RBFOX1: variants seen among roughly 807,000 people sequenced by gnomAD.
RBFOX1 encodes RNA binding fox-1 homolog 1.
In RBFOX1, 8 loss-of-function variants were observed where a neutral mutation model predicts 57.7. The ratio of observed to expected loss-of-function variants is 0.14; its 90% CI spans 0.08 to 0.25. The LOEUF is 0.25. RBFOX1 is among the 10% of genes least tolerant of loss of function. The pLI, the probability that RBFOX1 is intolerant of heterozygous loss-of-function variation, is 1.00. For missense variants in RBFOX1, 611 were observed against 548.5 expected (o/e 1.11, Z -1.14); for synonymous variants, 326 against 222.4 (o/e 1.47, Z -4.15).
chr16:6,189,343 A>G (rs570742496), intron 1 of RBFOX1, among the ~76,000 whole-genome samples: 1 of 152,334 alleles, frequency 6.6e-6, no homozygotes, highest in East Asian at 1.9e-4. Context: ...AGTGCATTCA[A>G]GAGTCTAGTG....
chr16:7,259,166 C>T (rs963793739), intron 4 of RBFOX1, among the ~76,000 whole-genome samples: 1 of 152,190 alleles, frequency 6.6e-6, no homozygotes, highest in Non-Finnish European at 1.5e-5. Context: ...CACCACATGA[C>T]CTCTCCTCCA....
chr16:5,418,877 A>G (rs150829489), intron 1 of RBFOX1, among the ~76,000 whole-genome samples: 11 of 152,282 alleles, frequency 7.2e-5, no homozygotes, highest in South Asian at 2.1e-4. Flanking sequence ...GAGATACCCA[A>G]ACTGAGAATT....
intron 3 of RBFOX1, among the ~76,000 whole-genome samples, chr16:5,743,366 A>G (rs574917410): frequency 2.0e-5 from 3 of 152,298 alleles, no homozygotes; most frequent in East Asian, 1.9e-4. Context: ...AGAATCAGAC[A>G]TATCAGAGTT....
chr16:5,371,747 G>A (rs910853908), intron 1 of RBFOX1, among the ~76,000 whole-genome samples: 18 of 152,184 alleles, frequency 1.2e-4, no homozygotes, highest in Non-Finnish European at 1.2e-4. Flanking sequence ...CGGCATTTCC[G>A]GAGATGGTCC....
chr16:5,597,526 A>T (rs2047226526), intron 2 of RBFOX1, among the ~76,000 whole-genome samples: 2 of 151,160 alleles, frequency 1.3e-5, no homozygotes, highest in African/African-American at 4.9e-5. Context: ...TAGCCTCCCA[A>T]GTAGCTGAGA....
intron 1 of RBFOX1, among the ~76,000 whole-genome samples, chr16:6,149,050 GA>G (rs2152719723): frequency 6.6e-6 from 1 of 152,280 alleles, no homozygotes; most frequent in Non-Finnish European, 1.5e-5. Context: ...TGGAGCCTTG[GA>G]ATTTTAAATC....
At chr16:6,685,442 A>ATTT (rs71145275) in intron 3 of RBFOX1, among the ~76,000 whole-genome samples, 52,031 of 125,012 alleles carry the variant, frequency 0.42, 13,120 homozygotes, top group Non-Finnish European at 0.54. Context: ...TACCCAGCTA[A>ATTT]TTTTTTTTTT....
chr16:6,244,374 G>A (rs2097557405), intron 1 of RBFOX1, among the ~76,000 whole-genome samples: 1 of 152,064 alleles, frequency 6.6e-6, no homozygotes, highest in Non-Finnish European at 1.5e-5. Flanking sequence ...TTTGTTCCAG[G>A]GAGATCAGAG....
Position 6,785,235 on chromosome 16 carries a change from G to T in RBFOX1, c.-16+130585G>T, listed in dbSNP as rs144966865. 5.0e-3 allele frequency among the ~76,000 whole-genome samples: 760 copies of T among 152,192 alleles called. 9 individuals carry two copies. The highest frequency in any genetic ancestry group is 0.017 in the African/African-American group (722 of 41,516). On this transcript the variant is annotated intron_variant, in intron 3 of 15. Coordinates refer to ENST00000550418, the MANE Select transcript of RBFOX1 (RefSeq NM_018723.4). ...AGAATTTGAGGGAATCTCCCAGTCC[G>T]TTCGTAACTAACATAAGAGTTTATG... is the stretch of plus-strand genomic sequence containing the variant.
At chr16:6,474,583 G>T (rs759657081) in intron 2 of RBFOX1, among the ~76,000 whole-genome samples, 1 of 152,126 alleles carries the variant, frequency 6.6e-6, no homozygotes, top group Non-Finnish European at 1.5e-5. Flanking sequence ...TCTATGTCTG[G>T]GCTGTTCTAT....
intron 3 of RBFOX1, among the ~76,000 whole-genome samples, chr16:6,702,123 G>A (rs2061947523): frequency 6.6e-6 from 1 of 152,136 alleles, no homozygotes; most frequent in Non-Finnish European, 1.5e-5. Flanking sequence ...AGACCTCGTG[G>A]TAAATCACTC....
intron 3 of RBFOX1, among the ~76,000 whole-genome samples, chr16:6,687,042 G>A (rs913564143): frequency 2.0e-5 from 3 of 152,152 alleles, no homozygotes; most frequent in Non-Finnish European, 4.4e-5. Context: ...AGAAATCTTT[G>A]CAGTGTTAAA....
At chr16:7,583,483 A>G (rs992581964) in intron 6 of RBFOX1, among the ~76,000 whole-genome samples, 1 of 152,244 alleles carries the variant, frequency 6.6e-6, no homozygotes, top group African/African-American at 2.4e-5. Context: ...TAGAATGTTT[A>G]ACTTAATATT....
At chr16:6,283,556 A>T (rs1450413834) in intron 1 of RBFOX1, among the ~76,000 whole-genome samples, 2 of 152,110 alleles carry the variant, frequency 1.3e-5, no homozygotes, top group African/African-American at 4.8e-5. Flanking sequence ...CCTCAAAAAC[A>T]AGCAAAAATT....
At chr16:6,790,184 T>TTATTATTATTAG (rs1555469971) in intron 3 of RBFOX1, among the ~76,000 whole-genome samples, 2 of 147,168 alleles carry the variant, frequency 1.4e-5, no homozygotes, top group African/African-American at 5.0e-5. Context: ...ATTATTATTA[T>TTATTATTATTAG]TATTATTATT....
At chr16:6,683,092 A>C (rs1225900707) in intron 3 of RBFOX1, among the ~76,000 whole-genome samples, 2 of 152,122 alleles carry the variant, frequency 1.3e-5, no homozygotes, top group Non-Finnish European at 2.9e-5. Flanking sequence ...TGGAGACTCG[A>C]GTTTAACCAC....
chr16:7,194,495 G>T (rs2086199984), intron 4 of RBFOX1, among the ~76,000 whole-genome samples: 1 of 152,030 alleles, frequency 6.6e-6, no homozygotes, highest in Non-Finnish European at 1.5e-5. Flanking sequence ...CTAGCTCTTT[G>T]GGGCTAAAGA....
intron 4 of RBFOX1, among the ~76,000 whole-genome samples, chr16:5,971,094 C>T (rs1039852668): frequency 6.6e-6 from 1 of 152,238 alleles, no homozygotes; most frequent in Non-Finnish European, 1.5e-5. Context: ...TATCTTTCTT[C>T]CTCCCGTATC....
chr16:7,643,145 C>T (rs921020529), intron 11 of RBFOX1, among the ~76,000 whole-genome samples: 1 of 152,156 alleles, frequency 6.6e-6, no homozygotes, highest in African/African-American at 2.4e-5. Flanking sequence ...AATTCTACTG[C>T]CTTCGCTCAG....
Sources: gnomAD v4.1 joint callset for allele counts (sites outside exome capture counted in the v4.1 genomes callset) on GRCh38, gnomAD v4.1.1 for gene constraint, MANE v1.5 for transcripts, NCBI Gene and HGNC (gene_info 2026-07-23, HGNC 2026-07-21) for gene names.